STON2: variants seen among roughly 807,000 people sequenced by gnomAD.
STON2 encodes the protein stonin 2.
A neutral mutation model predicts 65.7 loss-of-function variants in STON2; 29 were observed. The ratio of observed to expected loss-of-function variants is 0.44; its 90% CI spans 0.33 to 0.60. The LOEUF is 0.60. Ranked by LOEUF, STON2 falls within the 20% of genes least tolerant of loss-of-function variation. STON2 has a pLI of 0.03. For missense variants in STON2, 1,054 were observed against 1,118.1 expected, an observed-to-expected ratio of 0.94 and a Z score of 0.82; for synonymous variants, 404 against 414.2, an observed-to-expected ratio of 0.98 and a Z score of 0.30.
rs116439396 is a variant in STON2 at position 81,265,201 on chromosome 14, C to A, written c.*3213G>T. On this transcript the variant is annotated 3_prime_UTR_variant, in exon 8 of 8. Coordinates refer to ENST00000614646, the MANE Select transcript of STON2 (RefSeq NM_001394390.1). ...TAGCTAATTTGCCCACTTGTATTTT[C>A]TTTAGAAGTTATTTAAACCTAGTAA... The A allele has an allele frequency of 6.1e-4, 598 of 984,750 alleles. 7 individuals are homozygous for A. The African/African-American group carries it at 9.7e-3, about 16-fold the overall frequency. The allele number at this position is 984,750 out of a possible 1,614,324, so 61.0% of individuals were successfully genotyped here. A position where few individuals can be genotyped will look rare whatever the true frequency, so the allele number is the denominator to read the frequency against.
intron 4 of STON2, among the ~76,000 whole-genome samples, chr14:81,342,327 G>A (rs1475252508): frequency 1.3e-5 from 2 of 152,044 alleles, no homozygotes; most frequent in Non-Finnish European, 2.9e-5. Flanking sequence ...TAGAGATGGG[G>A]TTTCGCCACA....
chr14:81,403,117 G>C (rs989730738), upstream of STON2, among the ~76,000 whole-genome samples: 11 of 152,164 alleles, frequency 7.2e-5, no homozygotes, highest in African/African-American at 2.7e-4. Context: ...TATTCCTGAT[G>C]AACTGAGTTA....
intron 5 of STON2, among the ~76,000 whole-genome samples, chr14:81,321,089 A>G (rs567173358): frequency 3.9e-5 from 6 of 152,046 alleles, no homozygotes; most frequent in Non-Finnish European, 5.9e-5. Context: ...ATCCACAACT[A>G]TTTTCCCTGA....
At chr14:81,317,316 G>A (rs1896661839) in intron 5 of STON2, among the ~76,000 whole-genome samples, 1 of 152,142 alleles carries the variant, frequency 6.6e-6, no homozygotes, top group Non-Finnish European at 1.5e-5. Flanking sequence ...CTCCCACCAG[G>A]CCCCACCTCC....
At chr14:81,305,853 C>T (rs1400408895) in intron 5 of STON2, among the ~76,000 whole-genome samples, 2 of 152,162 alleles carry the variant, frequency 1.3e-5, no homozygotes, top group African/African-American at 2.4e-5. Flanking sequence ...TAGTCACATG[C>T]TAACCCAAAT....
chr14:81,270,208 T>C (rs1464062358), intron 7 of STON2: 3 of 396,718 alleles, frequency 7.6e-6, no homozygotes, highest in Non-Finnish European at 1.0e-5. Flanking sequence ...CACCTCAGTC[T>C]CCTGAGTAGC....
At chr14:81,365,198 C>T (rs1310267137) in intron 4 of STON2, among the ~76,000 whole-genome samples, 1 of 152,154 alleles carries the variant, frequency 6.6e-6, no homozygotes, top group African/African-American at 2.4e-5. Context: ...GGACTCTCTT[C>T]CCTGTATGTA....
intron 1 of STON2, among the ~76,000 whole-genome samples, chr14:81,435,354 CA>C (rs1902376101): frequency 6.6e-6 from 1 of 152,162 alleles, no homozygotes; most frequent in African/African-American, 2.4e-5. Flanking sequence ...TTTAAAAGCC[CA>C]TCCACTCCGT....
rs2140096418 is a variant in STON2, at chr14:81,269,305, C to T, written c.2785-808G>A. On this transcript the variant is annotated intron_variant, in intron 7 of 7. Transcript: ENST00000614646. ...ACAGCCATGAGCCACAGCACCCGGCCACCTCCAGTACTTTCTCTCTTTAGA... is the reference window on the plus strand; with the variant it reads ...ACAGCCATGAGCCACAGCACCCGGCTACCTCCAGTACTTTCTCTCTTTAGA... 5.1e-6 allele frequency: 5 copies of T among 985,340 alleles called. No individual in the cohort carries two copies. The South Asian group carries it at 2.3e-4, about 46-fold the overall frequency. 61.0% of individuals were successfully genotyped at this position (985,340 alleles called of 1,614,324 possible).
Position 81,260,882 on chromosome 14 carries a change from G to A in STON2, c.*7532C>T, listed in dbSNP as rs1894113106. On this transcript the variant is annotated 3_prime_UTR_variant, in exon 8 of 8. Coordinates refer to ENST00000614646, the MANE Select transcript of STON2 (RefSeq NM_001394390.1). ...GAATGGATGATGAATGATGGAAAATGTAAGGCTTGGAACAGCTGAATCATT... is the reference window on the plus strand; with the variant it reads ...GAATGGATGATGAATGATGGAAAATATAAGGCTTGGAACAGCTGAATCATT... The A allele has an allele frequency of 6.6e-6, 1 of 152,052 alleles. No homozygotes were observed. Among genetic ancestry groups the A allele is most frequent in the Admixed American group, 6.6e-5 (1 of 15,264 alleles). 9.4% of individuals were successfully genotyped at this position (152,052 alleles called of 1,614,324 possible). A position where few individuals can be genotyped will look rare whatever the true frequency, so the allele number is the denominator to read the frequency against.
Position 81,303,287 on chromosome 14 carries a change from A to G in STON2, c.742+20730T>C, listed in dbSNP as rs978689378. 1.0e-3 allele frequency among the ~76,000 whole-genome samples: 155 copies of G among 152,204 alleles called. 1 individual carries two copies. Among genetic ancestry groups the G allele is most frequent in the Non-Finnish European group, 9.1e-4 (62 of 68,040 alleles). On this transcript the variant is annotated intron_variant, in intron 5 of 7. Coordinates refer to ENST00000614646, the MANE Select transcript of STON2 (RefSeq NM_001394390.1). ...TTTTACTTTTACTCTGCTTTTAGTC[A>G]TTATTATATGCTCCATCAGAGCCTG...
rs138029633 is a variant in STON2 at position 81,428,256 on chromosome 14, A to G, written c.-309-1044T>C. 5.6e-4 allele frequency among the ~76,000 whole-genome samples: 85 copies of G among 152,238 alleles called. 2 individuals are homozygous for G. In the South Asian group the frequency reaches 0.011, roughly 20 times the overall value. ...CACGGAATGATTTAGAAAAAAATGA[A>G]TATTTTATGTTTGGCAAGGATGGGG... On this transcript the variant is annotated intron_variant, in intron 1 of 8. Coordinates refer to the STON2 transcript ENST00000553821.
At chr14:81,330,987 A>G (rs1344377983) in intron 4 of STON2, among the ~76,000 whole-genome samples, 5 of 152,318 alleles carry the variant, frequency 3.3e-5, no homozygotes, top group African/African-American at 7.2e-5. Context: ...ATAATTTCCT[A>G]TTGGTTCACT....
chr14:81,262,935 T>A lies in STON2; in HGVS notation c.*5479A>T. On this transcript the variant is annotated 3_prime_UTR_variant, in exon 8 of 8. Transcript: ENST00000614646. ...TAAAGCCAGTCTCATTTAAACAAGA[T>A]AAGAAATGGTTTGTGGGGAATTAGC... 2 of 985,416 alleles carry A rather than the reference T, an allele frequency of 2.0e-6. No homozygotes were observed. Among genetic ancestry groups the A allele is most frequent in the Admixed American group, 1.2e-4 (2 of 16,286 alleles). 61.0% of individuals were successfully genotyped at this position (985,416 alleles called of 1,614,324 possible). A position where few individuals can be genotyped will look rare whatever the true frequency, so the allele number is the denominator to read the frequency against.
chr14:81,419,636 G>A (rs556172747), intron 2 of STON2, among the ~76,000 whole-genome samples: 11 of 152,308 alleles, frequency 7.2e-5, no homozygotes, highest in African/African-American at 2.6e-4. Context: ...TTCCAGGCAA[G>A]CCCTGCTGCA....
At position 81,268,300 on chromosome 14, in the gene STON2, T is replaced by A. The variant is rs1894435760; in HGVS notation, c.*114A>T. On this transcript the variant is annotated 3_prime_UTR_variant, in exon 8 of 8. Transcript: ENST00000614646. ...CTGGTATACTGTTCCCAACATGCAG[T>A]GGCCACAGCAGGTATTGACTGCAAC... 3 of 1,227,658 alleles carry A rather than the reference T, an allele frequency of 2.4e-6. No homozygotes were observed. Among genetic ancestry groups the A allele is most frequent in the South Asian group, 1.4e-5 (1 of 69,914 alleles). 76.0% of individuals were successfully genotyped at this position (1,227,658 alleles called of 1,614,324 possible).
At chr14:81,431,079 G>GA (rs1902206475) in intron 1 of STON2, among the ~76,000 whole-genome samples, 1 of 152,152 alleles carries the variant, frequency 6.6e-6, no homozygotes, top group Admixed American at 6.5e-5. Flanking sequence ...GCACGAGGGG[G>GA]AAAAACTGCT....
intron 5 of STON2, among the ~76,000 whole-genome samples, chr14:81,312,579 G>A (rs1254873402): frequency 1.3e-5 from 2 of 152,184 alleles, no homozygotes; most frequent in Non-Finnish European, 2.9e-5. Flanking sequence ...TAAGTCTTCT[G>A]TACCTAGCAG....
intron 3 of STON2, among the ~76,000 whole-genome samples, chr14:81,386,224 A>T (rs1899796287): frequency 6.6e-6 from 1 of 152,094 alleles, no homozygotes; most frequent in South Asian, 2.1e-4. Context: ...TGAAGGTATT[A>T]AAAAAAATAA....
Sources: allele counts gnomAD v4.1 joint callset (sites outside exome capture counted in the v4.1 genomes callset), GRCh38; gene constraint gnomAD v4.1.1; transcripts MANE v1.5; gene names NCBI Gene and HGNC (gene_info 2026-07-23, HGNC 2026-07-21).